Variants in SPTLC2 observed in about 807,000 individuals in gnomAD.
SPTLC2 encodes serine palmitoyltransferase 2.
SPTLC2 carries 21 observed loss-of-function variants against 62.0 expected under a neutral mutation model. That is an observed-to-expected ratio of 0.34 (90% CI 0.24 to 0.49). The LOEUF is 0.49. SPTLC2 is among the 20% of genes least tolerant of loss of function. The pLI is 0.99. For synonymous variants in SPTLC2, 261 were observed against 261.8 expected, an observed-to-expected ratio of 1.00 and a Z score of 0.03; for missense variants, 511 against 713.0, an observed-to-expected ratio of 0.72 and a Z score of 3.23.
chr14:77,555,570 T>TAA (rs2079578809), intron 7 of SPTLC2, 51 bp from the exon 8 acceptor site: 10 of 1,557,858 alleles, frequency 6.4e-6, no homozygotes, highest in Admixed American at 5.3e-5. Context: ...TGAGACTTTT[T>TAA]AAATCAAAAT....
intron 10 of SPTLC2, among the ~76,000 whole-genome samples, chr14:77,518,714 G>A (rs139527902): frequency 5.3e-5 from 8 of 152,156 alleles, no homozygotes; most frequent in African/African-American, 1.4e-4. Flanking sequence ...ACATTAATCC[G>A]CAAATTCTGA....
At chr14:77,588,595 C>T (rs1268240849) in intron 2 of SPTLC2, among the ~76,000 whole-genome samples, 5 of 151,710 alleles carry the variant, frequency 3.3e-5, no homozygotes, top group African/African-American at 1.2e-4. Context: ...ACTCAAGAAG[C>T]TGAGGTGGGA....
At chr14:77,559,224 G>A (rs1566779875) in intron 6 of SPTLC2, among the ~76,000 whole-genome samples, 2 of 152,178 alleles carry the variant, frequency 1.3e-5, no homozygotes, top group East Asian at 3.9e-4. Flanking sequence ...TTGGGAGGCT[G>A]AGACATGAGA....
At chr14:77,529,628 T>C (rs866214219) in intron 9 of SPTLC2, among the ~76,000 whole-genome samples, 16 of 132,284 alleles carry the variant, frequency 1.2e-4, no homozygotes, top group East Asian at 2.5e-4. Flanking sequence ...TTCTTTTTTT[T>C]TTTTTTTTTT....
intron 11 of SPTLC2, among the ~76,000 whole-genome samples, chr14:77,515,408 A>G (rs1243247642): frequency 1.3e-5 from 2 of 152,104 alleles, no homozygotes; most frequent in East Asian, 1.9e-4. Flanking sequence ...AAATCTTCCA[A>G]TCCATGAACA....
intron 9 of SPTLC2, among the ~76,000 whole-genome samples, chr14:77,543,689 G>A (rs138034685): frequency 6.6e-6 from 1 of 152,170 alleles, no homozygotes; most frequent in Non-Finnish European, 1.5e-5. Context: ...ACTAGCCTTA[G>A]GAACCATGAC....
intron 11 of SPTLC2, 34 bp downstream of exon 11, chr14:77,518,004 G>A (rs1594967313): frequency 6.2e-7 from 1 of 1,613,734 alleles, no homozygotes; most frequent in East Asian, 2.2e-5. Context: ...TTAATAAAAG[G>A]CATATTTATA....
chr14:77,516,062 T>C (rs1239610065), intron 11 of SPTLC2, among the ~76,000 whole-genome samples: 2 of 148,190 alleles, frequency 1.3e-5, no homozygotes, highest in Admixed American at 6.8e-5. Context: ...TACAGAATCA[T>C]GTCATGAGGC....
chr14:77,529,625 T>C (rs1364210122), intron 9 of SPTLC2, among the ~76,000 whole-genome samples: 26 of 89,378 alleles, frequency 2.9e-4, no homozygotes, highest in East Asian at 8.0e-4. Flanking sequence ...TCTTTCTTTT[T>C]TTTTTTTTTT....
At chr14:77,515,994 G>GTGTGTA (rs1207106889) in intron 11 of SPTLC2, among the ~76,000 whole-genome samples, 1 of 21,450 alleles carries the variant, frequency 4.7e-5, no homozygotes, top group Admixed American at 7.1e-4. Flanking sequence ...CTAGCTGTGT[G>GTGTGTA]TGTGTGTGTG....
At chr14:77,533,300 C>CAAAA (rs35192294) in intron 9 of SPTLC2, among the ~76,000 whole-genome samples, 1 of 98,492 alleles carries the variant, frequency 1.0e-5, no homozygotes, top group African/African-American at 3.9e-5. Flanking sequence ...AACTCCGTTG[C>CAAAA]AAAAAAAAAA....
chr14:77,523,758 C>A lies in SPTLC2; in HGVS notation c.1304-2177G>T, dbSNP rs191799032. On this transcript the variant is annotated intron_variant, in intron 9 of 11. Coordinates refer to ENST00000216484, the MANE Select transcript of SPTLC2 (RefSeq NM_004863.4). ...CACCTTAGTAGTGGAGATAAATGAACCCTAGACTAAAAATTGGTCTGAACC... is the reference window on the plus strand; with the variant it reads ...CACCTTAGTAGTGGAGATAAATGAAACCTAGACTAAAAATTGGTCTGAACC... Among the ~76,000 whole-genome samples, 10 of 152,222 alleles carry A rather than the reference C, an allele frequency of 6.6e-5. No individual in the cohort carries two copies. In the East Asian group the frequency reaches 1.9e-3, roughly 29 times the overall value.
chr14:77,591,858 G>C (rs561262777), intron 2 of SPTLC2, among the ~76,000 whole-genome samples: 21 of 152,076 alleles, frequency 1.4e-4, no homozygotes, highest in Middle Eastern at 3.4e-3. Flanking sequence ...CAAGTAGCAG[G>C]GATTACAGGC....
In SPTLC2 at chr14:77,597,348, A is replaced by G. The variant is rs909194184; in HGVS notation, c.165T>C (p.Tyr55=). The change falls in exon 2 of 12, where the codon TAT becomes TAC. Residue 55 remains tyrosine, a synonymous_variant. Transcript: ENST00000216484. ...IHHVTQNGGL[Y]KRPFNEAFEE... Reference sequence around the variant, plus strand: ...CAAAAGCTTCATTAAACGGTCTTTTATATAGTCCTCCATTTTGTGTAACAT... The same window carrying G: ...CAAAAGCTTCATTAAACGGTCTTTTGTATAGTCCTCCATTTTGTGTAACAT... The G allele has an allele frequency of 2.5e-6, 4 of 1,614,204 alleles. No individual in the cohort carries two copies. The highest frequency in any genetic ancestry group is 1.6e-4 in the Middle Eastern group (1 of 6,062).
intron 2 of SPTLC2, among the ~76,000 whole-genome samples, chr14:77,579,727 C>G (rs1327138158): frequency 2.6e-5 from 4 of 152,056 alleles, no homozygotes; most frequent in African/African-American, 9.7e-5. Context: ...AGCTGGATAA[C>G]AGCAAAAACA....
intron 3 of SPTLC2, 75 bp from the exon 4 acceptor site, chr14:77,576,990 G>T: frequency 6.5e-7 from 1 of 1,529,134 alleles, no homozygotes; most frequent in Non-Finnish European, 9.0e-7. Context: ...ATGAACTGGT[G>T]ACACAAAAGG....
At chr14:77,546,960 C>A (rs1477354899) in intron 9 of SPTLC2, among the ~76,000 whole-genome samples, 1 of 151,938 alleles carries the variant, frequency 6.6e-6, no homozygotes, top group Non-Finnish European at 1.5e-5. Flanking sequence ...GAATTCCCGA[C>A]CTCAGGTGAT....
intron 5 of SPTLC2, among the ~76,000 whole-genome samples, chr14:77,564,851 GAAAT>G (rs1431736667): frequency 6.6e-6 from 1 of 152,010 alleles, no homozygotes; most frequent in Admixed American, 6.6e-5. Context: ...CACAACGACA[GAAAT>G]AAATAAGGGA....
At chr14:77,592,485 T>C (rs2079823571) in intron 2 of SPTLC2, among the ~76,000 whole-genome samples, 1 of 152,198 alleles carries the variant, frequency 6.6e-6, no homozygotes, top group Non-Finnish European at 1.5e-5. Context: ...TGGGAATTCC[T>C]AGTAATGTAT....
Sources: allele counts gnomAD v4.1 joint callset (sites outside exome capture counted in the v4.1 genomes callset), GRCh38; gene constraint gnomAD v4.1.1; transcripts MANE v1.5; gene names NCBI Gene and HGNC (gene_info 2026-07-23, HGNC 2026-07-21).